PLPPR1: variants seen among roughly 807,000 people sequenced by gnomAD.
PLPPR1 encodes the protein phospholipid phosphatase related 1.
Under a neutral mutation model 33.1 loss-of-function variants are expected in PLPPR1, and 10 were observed. That is an observed-to-expected ratio of 0.30 (90% CI 0.19 to 0.51). The LOEUF (loss-of-function observed/expected upper bound fraction) is 0.51, where lower values mean the gene tolerates loss of function less well. PLPPR1 is among the 20% of genes least tolerant of loss of function. PLPPR1 has a pLI of 0.97. For synonymous variants in PLPPR1, 151 were observed against 151.0 expected (o/e 1.00, Z 0.00); for missense variants, 304 against 408.1 (o/e 0.74, Z 2.20).
intron 3 of PLPPR1, among the ~76,000 whole-genome samples, chr9:101,273,403 A>G (rs1828133298): frequency 6.6e-6 from 1 of 152,184 alleles, no homozygotes; most frequent in South Asian, 2.1e-4. Context: ...ATTGACTCCT[A>G]CAGGGCATGT....
At chr9:101,283,880 T>G (rs1180254325) in intron 3 of PLPPR1, among the ~76,000 whole-genome samples, 1 of 151,012 alleles carries the variant, frequency 6.6e-6, no homozygotes, top group African/African-American at 2.4e-5. Context: ...TGAAAAAAAA[T>G]GCTCAGTATC....
chr9:101,248,470 A>G (rs1486968366), intron 2 of PLPPR1, among the ~76,000 whole-genome samples: 1 of 152,076 alleles, frequency 6.6e-6, no homozygotes, highest in Non-Finnish European at 1.5e-5. Context: ...AATGATACAG[A>G]TTATGCATTG....
At chr9:101,135,233 C>T (rs72741437) in intron 1 of PLPPR1, among the ~76,000 whole-genome samples, 23,510 of 151,912 alleles carry the variant, frequency 0.15, 2,095 homozygotes, top group Non-Finnish European at 0.2. Context: ...TTCCCTAAAG[C>T]GAAAAAAGCA....
At chr9:101,097,746 T>C (rs1311555011) in intron 1 of PLPPR1, among the ~76,000 whole-genome samples, 1 of 151,968 alleles carries the variant, frequency 6.6e-6, no homozygotes, top group African/African-American at 2.4e-5. Flanking sequence ...CAGAGGAGGA[T>C]GTGTGGATGG....
chr9:101,093,248 G>T (rs763627144), intron 1 of PLPPR1, among the ~76,000 whole-genome samples: 1 of 152,148 alleles, frequency 6.6e-6, no homozygotes, highest in Non-Finnish European at 1.5e-5. Flanking sequence ...ACCTGGGAAT[G>T]CTGAAACTTC....
intron 7 of PLPPR1, among the ~76,000 whole-genome samples, chr9:101,319,213 T>G (rs185891593): frequency 0.036 from 5,503 of 152,228 alleles, 344 homozygotes; most frequent in African/African-American, 0.12. Context: ...GTCTCACTCT[T>G]TCGCCCAGGC....
At chr9:101,097,711 G>A (rs1461170325) in intron 1 of PLPPR1, among the ~76,000 whole-genome samples, 1 of 152,102 alleles carries the variant, frequency 6.6e-6, no homozygotes, top group Admixed American at 6.6e-5. Context: ...AAGAAACAAT[G>A]GCCACATTCG....
chr9:101,069,900 G>A (rs141447447), intron 1 of PLPPR1, among the ~76,000 whole-genome samples: 2 of 152,222 alleles, frequency 1.3e-5, no homozygotes, highest in East Asian at 3.9e-4. Context: ...AGTGGGAAGG[G>A]AAGAACAGAG....
At chr9:101,082,560 A>G (rs970896779) in intron 1 of PLPPR1, among the ~76,000 whole-genome samples, 1 of 152,184 alleles carries the variant, frequency 6.6e-6, no homozygotes, top group Non-Finnish European at 1.5e-5. Flanking sequence ...ACTGGATTGG[A>G]TATATGTTTA....
At chr9:101,107,149 C>T (rs1205546426) in intron 1 of PLPPR1, among the ~76,000 whole-genome samples, 3 of 102,660 alleles carry the variant, frequency 2.9e-5, no homozygotes, top group Admixed American at 9.5e-5. Context: ...TCTCTCAGCT[C>T]CTCAAAATCA....
intron 2 of PLPPR1, among the ~76,000 whole-genome samples, chr9:101,222,864 C>T (rs1826974560): frequency 6.6e-6 from 1 of 150,642 alleles, no homozygotes; most frequent in Non-Finnish European, 1.5e-5. Context: ...TTTATTAATT[C>T]ACCCACAGAC....
Position 101,209,795 on chromosome 9 carries a change from T to C in PLPPR1, c.63+24238T>C, listed in dbSNP as rs146080286. Among the ~76,000 whole-genome samples, 349 of 152,328 alleles carry C rather than the reference T, an allele frequency of 2.3e-3. 7 individuals are homozygous for C. Among genetic ancestry groups the C allele is most frequent in the East Asian group, 0.017 (87 of 5,178 alleles). On this transcript the variant is annotated intron_variant, in intron 2 of 7. Coordinates refer to ENST00000374874, the MANE Select transcript of PLPPR1 (RefSeq NM_207299.2). Reference sequence around the variant, plus strand: ...TCTAACGAATTACTGCAAATGTGGATAATTTTTTAGCGAGAAGTTTTAAAA... The same window carrying C: ...TCTAACGAATTACTGCAAATGTGGACAATTTTTTAGCGAGAAGTTTTAAAA...
chr9:101,231,277 A>AT (rs891831150), intron 2 of PLPPR1, among the ~76,000 whole-genome samples: 1 of 104,624 alleles, frequency 9.6e-6, no homozygotes, highest in Admixed American at 9.1e-5. Context: ...TGGTGCCCCA[A>AT]TTAAAAAAAA....
intron 2 of PLPPR1, chr9:101,187,253 T>C (rs182511955): frequency 1.3e-5 from 2 of 152,042 alleles, no homozygotes; most frequent in Admixed American, 1.3e-4. Context: ...TTATTTTATA[T>C]TTTCTTAAAA....
chr9:101,301,893 T>C (rs1341768), intron 4 of PLPPR1, among the ~76,000 whole-genome samples: 25,914 of 152,210 alleles, frequency 0.17, 3,052 homozygotes, highest in African/African-American at 0.33. Context: ...ATACATTTCA[T>C]GAGGGACATG....
intron 1 of PLPPR1, among the ~76,000 whole-genome samples, chr9:101,056,364 C>T (rs1020888258): frequency 2.0e-5 from 3 of 151,964 alleles, no homozygotes; most frequent in Admixed American, 6.5e-5. Context: ...AAAGTCTTTC[C>T]AATTTAAAGC....
At chr9:101,229,276 C>G (rs1447912364) in intron 2 of PLPPR1, among the ~76,000 whole-genome samples, 1 of 152,112 alleles carries the variant, frequency 6.6e-6, no homozygotes, top group Non-Finnish European at 1.5e-5. Context: ...CATTTTGCAT[C>G]TTATTAAATT....
At chr9:101,241,758 G>A (rs1042357953) in intron 2 of PLPPR1, among the ~76,000 whole-genome samples, 1 of 152,088 alleles carries the variant, frequency 6.6e-6, no homozygotes, top group Non-Finnish European at 1.5e-5. Context: ...TAACTGGGCA[G>A]CAAAACCTTT....
chr9:101,055,199 T>C (rs1830266473), intron 1 of PLPPR1, among the ~76,000 whole-genome samples: 2 of 152,352 alleles, frequency 1.3e-5, no homozygotes, highest in South Asian at 4.1e-4. Flanking sequence ...AGGAGGATCA[T>C]CTGTAACATT....
Sources: gnomAD v4.1 joint callset for allele counts (sites outside exome capture counted in the v4.1 genomes callset) on GRCh38, gnomAD v4.1.1 for gene constraint, MANE v1.5 for transcripts, NCBI Gene and HGNC (gene_info 2026-07-23, HGNC 2026-07-21) for gene names.